UTRN: variants seen among roughly 807,000 people sequenced by gnomAD.
The protein encoded by UTRN is utrophin.
In UTRN, 283 loss-of-function variants were observed where a neutral mutation model predicts 463.9. The ratio of observed to expected loss-of-function variants is 0.61; its 90% confidence interval spans 0.55 to 0.67. The LOEUF is 0.67. Among genes scored for constraint, UTRN ranks in the 30% least tolerant of loss-of-function variants. The pLI, the probability that UTRN is intolerant of heterozygous loss-of-function variation, is 0.00. For synonymous variants in UTRN, 1,442 were observed against 1,431.5 expected, an observed-to-expected ratio of 1.01 and a Z score of -0.17; for missense variants, 3,922 against 4,084.3, an observed-to-expected ratio of 0.96 and a Z score of 1.08.
chr6:144,411,374 A>G (rs1456833055), intron 3 of UTRN, among the ~76,000 whole-genome samples: 1 of 152,060 alleles, frequency 6.6e-6, no homozygotes, highest in Admixed American at 6.6e-5. Flanking sequence ...AGAATTGTCC[A>G]TTCATGTCCT....
rs79147205 is a variant in UTRN at position 144,657,918 on chromosome 6, T to C, written c.7480-20488T>C. Reference sequence around the variant, plus strand: ...TGTGTGGTGGTGGTGATGGTGCTGGTGCTGGTGGTTTCTTTTGTCTTGTAT... The same window carrying C: ...TGTGTGGTGGTGGTGATGGTGCTGGCGCTGGTGGTTTCTTTTGTCTTGTAT... On this transcript the variant is annotated intron_variant, in intron 51 of 74. Transcript: ENST00000367545. Among the ~76,000 whole-genome samples the C allele has an allele frequency of 4.1e-3, 625 of 152,286 alleles. 2 individuals carry two copies. The highest frequency in any genetic ancestry group is 7.4e-3 in the Non-Finnish European group (505 of 68,012).
chr6:144,811,152 C>A (rs901911994), intron 65 of UTRN, among the ~76,000 whole-genome samples: 1 of 152,010 alleles, frequency 6.6e-6, no homozygotes, highest in Admixed American at 6.6e-5. Context: ...ATAAAACACA[C>A]ACACACACAA....
intron 2 of UTRN, among the ~76,000 whole-genome samples, chr6:144,349,163 C>A (rs941967936): frequency 1.3e-4 from 20 of 152,276 alleles, no homozygotes; most frequent in African/African-American, 4.3e-4. Context: ...CGCCCGCCAT[C>A]ACGCCCGGCT....
intron 58 of UTRN, among the ~76,000 whole-genome samples, chr6:144,770,923 A>T (rs1397827775): frequency 6.6e-6 from 1 of 152,060 alleles, no homozygotes; most frequent in Non-Finnish European, 1.5e-5. Flanking sequence ...GGAAAGTTCG[A>T]CTCAAGGTAG....
At chr6:144,338,114 G>A (rs1401215903) in intron 2 of UTRN, among the ~76,000 whole-genome samples, 1 of 152,158 alleles carries the variant, frequency 6.6e-6, no homozygotes, top group African/African-American at 2.4e-5. Flanking sequence ...TACCATCCTT[G>A]ACATTACTTT....
At chr6:144,381,287 C>T (rs890497164) in intron 2 of UTRN, among the ~76,000 whole-genome samples, 1 of 152,154 alleles carries the variant, frequency 6.6e-6, no homozygotes. Flanking sequence ...GCTTTCTGTT[C>T]ATATGTTAAT....
chr6:144,464,686 G>A (rs1218556980), intron 23 of UTRN, among the ~76,000 whole-genome samples: 1 of 152,018 alleles, frequency 6.6e-6, no homozygotes, highest in Non-Finnish European at 1.5e-5. Context: ...TTTTAGTAGA[G>A]ATGAGGTTTT....
intron 51 of UTRN, among the ~76,000 whole-genome samples, chr6:144,640,262 G>GT (rs1270343752): frequency 1.3e-5 from 2 of 152,126 alleles, no homozygotes; most frequent in African/African-American, 4.8e-5. Context: ...TCCCCACTGT[G>GT]TCAGATGCGC....
intron 50 of UTRN, among the ~76,000 whole-genome samples, chr6:144,565,058 C>T (rs556452854): frequency 1.3e-5 from 2 of 152,236 alleles, no homozygotes; most frequent in East Asian, 3.9e-4. Context: ...CCAACTGGGA[C>T]ATGGTGGTCC....
chr6:144,485,921 T>C (rs1047634690), intron 28 of UTRN, among the ~76,000 whole-genome samples: 3 of 152,166 alleles, frequency 2.0e-5, no homozygotes, highest in Admixed American at 1.3e-4. Context: ...GTCTCTTACC[T>C]TCAGATGCTA....
chr6:144,501,654 T>C (rs1175501630), intron 34 of UTRN, among the ~76,000 whole-genome samples: 3 of 152,204 alleles, frequency 2.0e-5, no homozygotes, highest in Non-Finnish European at 4.4e-5. Context: ...TCTCTATTCA[T>C]GTCCATTTAA....
At chr6:144,411,427 T>A (rs1783885683) in intron 3 of UTRN, among the ~76,000 whole-genome samples, 1 of 152,198 alleles carries the variant, frequency 6.6e-6, no homozygotes, top group Non-Finnish European at 1.5e-5. Flanking sequence ...AGTCAGAGCT[T>A]ATTCAGCCTC....
chr6:144,476,103 G>A (rs192519348), intron 25 of UTRN, among the ~76,000 whole-genome samples: 1 of 149,852 alleles, frequency 6.7e-6, no homozygotes, highest in Admixed American at 6.6e-5. Flanking sequence ...TGTAGAGATG[G>A]GGTTCTTAGA....
chr6:144,738,665 A>G (rs1789711752), intron 54 of UTRN, among the ~76,000 whole-genome samples: 1 of 152,222 alleles, frequency 6.6e-6, no homozygotes, highest in South Asian at 2.1e-4. Context: ...AATTCATTGT[A>G]TACATATGTA....
intron 58 of UTRN, among the ~76,000 whole-genome samples, chr6:144,765,833 G>A (rs1793249679): frequency 1.3e-5 from 2 of 151,998 alleles, no homozygotes; most frequent in Admixed American, 1.3e-4. Flanking sequence ...CTAAACTTTT[G>A]CAGTACCTAT....
At chr6:144,592,373 A>AT (rs200823457) in intron 51 of UTRN, among the ~76,000 whole-genome samples, 52 of 149,380 alleles carry the variant, frequency 3.5e-4, no homozygotes, top group Middle Eastern at 3.5e-3. Context: ...AAATTTTTAA[A>AT]TTTTTTTTTT....
chr6:144,439,927 A>G (rs1300853387), intron 12 of UTRN, among the ~76,000 whole-genome samples: 2 of 152,210 alleles, frequency 1.3e-5, no homozygotes, highest in African/African-American at 4.8e-5. Flanking sequence ...ACTTTTGACT[A>G]TCGTGTAGCA....
intron 51 of UTRN, among the ~76,000 whole-genome samples, chr6:144,676,326 T>C (rs1781585704): frequency 6.6e-6 from 1 of 152,148 alleles, no homozygotes; most frequent in South Asian, 2.1e-4. Flanking sequence ...GAATGATCTT[T>C]CACATCAATA....
intron 2 of UTRN, among the ~76,000 whole-genome samples, chr6:144,319,939 C>T (rs1383432054): frequency 4.6e-5 from 7 of 151,878 alleles, no homozygotes; most frequent in African/African-American, 7.3e-5. Context: ...CCGCAATGTC[C>T]GCCTCCTAGG....
Sources: allele counts gnomAD v4.1 joint callset (sites outside exome capture counted in the v4.1 genomes callset), GRCh38; gene constraint gnomAD v4.1.1; transcripts MANE v1.5; gene names NCBI Gene and HGNC (gene_info 2026-07-23, HGNC 2026-07-21).